Variants in PASD1 observed in about 807,000 individuals in gnomAD.
PASD1 encodes the protein circadian clock protein PASD1.
A neutral mutation model predicts 58.8 loss-of-function variants in PASD1; 13 were observed. The observed-to-expected ratio is 0.22, with a 90% CI of 0.14 to 0.35. PASD1 has a LOEUF of 0.35. Ranked by LOEUF, PASD1 falls within the 10% of genes least tolerant of loss-of-function variation. The probability of loss-of-function intolerance (pLI) is 1.00; values close to 1 mark genes in which losing one functional copy is unlikely to be tolerated. For missense variants in PASD1, 734 were observed against 568.3 expected, an observed-to-expected ratio of 1.29 and a Z score of -2.96; for synonymous variants, 236 against 216.7, an observed-to-expected ratio of 1.09 and a Z score of -0.78.
chrX:151,623,148 A>G (rs1050123426), intron 7 of PASD1, 84 bp downstream of exon 7: 3 of 1,060,249 alleles, frequency 2.8e-6, no homozygotes, highest in Non-Finnish European at 3.8e-6. Context: ...TCTGTCAGCC[A>G]CTGGACAACA....
At chrX:151,575,465 T>C (rs544026497) in intron 1 of PASD1, among the ~76,000 whole-genome samples, 1 of 111,724 alleles carries the variant, frequency 9.0e-6, no homozygotes, top group African/African-American at 3.3e-5. Context: ...TGCCCATACA[T>C]AACACTCATC....
chrX:151,651,735 A>G (rs957662917), intron 9 of PASD1, among the ~76,000 whole-genome samples: 1 of 112,287 alleles, frequency 8.9e-6, no homozygotes, highest in African/African-American at 3.2e-5. Context: ...AGAGCTTCCT[A>G]TTTGTGCATT....
chrX:151,576,954 G>A (rs1264662772), intron 1 of PASD1, among the ~76,000 whole-genome samples: 1 of 111,786 alleles, frequency 8.9e-6, no homozygotes, highest in Non-Finnish European at 1.9e-5. Flanking sequence ...AACAATTAGA[G>A]CTCATTCTCA....
chrX:151,665,888 ATG>A (rs1335879199), intron 11 of PASD1, among the ~76,000 whole-genome samples: 31 of 99,114 alleles, frequency 3.1e-4, no homozygotes, highest in African/African-American at 6.8e-4. Context: ...ACGCGCGTGC[ATG>A]TGTGTGTGTG....
chrX:151,625,388 C>G, intron 7 of PASD1, 60 bp from the exon 8 acceptor site: 1 of 859,637 alleles, frequency 1.2e-6, no homozygotes, highest in Non-Finnish European at 1.7e-6. Flanking sequence ...TTAATATATG[C>G]TGTGCATTTT....
chrX:151,668,828 A>G (rs1192760825), intron 11 of PASD1, among the ~76,000 whole-genome samples: 1 of 109,271 alleles, frequency 9.2e-6, no homozygotes. Flanking sequence ...AATCAATAGA[A>G]AAAGAGGGAA....
At chrX:151,644,753 G>A (rs1602951694) in intron 8 of PASD1, among the ~76,000 whole-genome samples, 1 of 107,829 alleles carries the variant, frequency 9.3e-6, no homozygotes, top group South Asian at 4.1e-4. Context: ...TCAGAATTTT[G>A]TTTTCACTTT....
At chrX:151,572,559 A>T in intron 1 of PASD1, among the ~76,000 whole-genome samples, 1 of 111,669 alleles carries the variant, frequency 9.0e-6, no homozygotes, top group Non-Finnish European at 1.9e-5. Context: ...TTACGGTTTA[A>T]ATTTTTCTGT....
chrX:151,573,395 G>A (rs2012955563), intron 1 of PASD1, among the ~76,000 whole-genome samples: 1 of 112,501 alleles, frequency 8.9e-6, no homozygotes, highest in Non-Finnish European at 1.9e-5. Context: ...GAAGTAACAA[G>A]TTCTTGATTT....
intron 5 of PASD1, among the ~76,000 whole-genome samples, 199 bp from the exon 6 acceptor site, chrX:151,621,283 C>T (rs1018650350): frequency 1.8e-5 from 2 of 111,226 alleles, no homozygotes; most frequent in Admixed American, 1.9e-4. Flanking sequence ...AATGATGGAC[C>T]ATTGTATATA....
intron 8 of PASD1, among the ~76,000 whole-genome samples, chrX:151,639,404 C>T (rs1412615889): frequency 8.9e-6 from 1 of 112,324 alleles, no homozygotes; most frequent in Non-Finnish European, 1.9e-5. Context: ...CTGTGCCTAT[C>T]CTCATAAAAC....
At chrX:151,644,672 C>T (rs1261493855) in intron 8 of PASD1, among the ~76,000 whole-genome samples, 1 of 110,424 alleles carries the variant, frequency 9.1e-6, no homozygotes, top group South Asian at 3.9e-4. Flanking sequence ...CTAATGAGGG[C>T]ATTTGAACTG....
intron 11 of PASD1, among the ~76,000 whole-genome samples, chrX:151,669,543 C>T (rs760602275): frequency 3.9e-4 from 43 of 109,543 alleles, no homozygotes; most frequent in Non-Finnish European, 9.4e-5. Context: ...CTTCATCCCC[C>T]TCTTCCCCAT....
At chrX:151,675,954 G>A (rs1569418413) in intron 15 of PASD1, 43 bp from the exon 16 acceptor site, 1 of 1,198,097 alleles carries the variant, frequency 8.3e-7, no homozygotes. Flanking sequence ...TGGGCCCACA[G>A]ACTCTAGCAA....
chrX:151,614,652 T>C (rs1255556463), intron 4 of PASD1, among the ~76,000 whole-genome samples: 1 of 112,269 alleles, frequency 8.9e-6, no homozygotes, highest in Non-Finnish European at 1.9e-5. Flanking sequence ...CAGAGTTGTC[T>C]CAAGAACTTG....
At chrX:151,629,996 T>C (rs775629578) in intron 8 of PASD1, among the ~76,000 whole-genome samples, 3 of 111,660 alleles carry the variant, frequency 2.7e-5, no homozygotes, top group African/African-American at 9.8e-5. Context: ...AATAAAAGTG[T>C]TTTCTGAAGG....
At chrX:151,667,996 A>G (rs992660607) in intron 11 of PASD1, among the ~76,000 whole-genome samples, 8 of 111,230 alleles carry the variant, frequency 7.2e-5, no homozygotes, top group Non-Finnish European at 1.5e-4. Context: ...CACGATATTG[A>G]TTCTTTCTCA....
intron 1 of PASD1, among the ~76,000 whole-genome samples, chrX:151,580,622 T>A (rs754799028): frequency 9.2e-6 from 1 of 108,927 alleles, no homozygotes; most frequent in African/African-American, 3.3e-5. Context: ...TATATCTCAA[T>A]TAAAATATTT....
chrX:151,607,611 T>C (rs763641886), intron 3 of PASD1, among the ~76,000 whole-genome samples: 21 of 111,906 alleles, frequency 1.9e-4, no homozygotes, highest in African/African-American at 6.8e-4. Flanking sequence ...GCACCACACC[T>C]TGAAATAGTC....
Sources: gnomAD v4.1 joint callset for allele counts (sites outside exome capture counted in the v4.1 genomes callset) on GRCh38, gnomAD v4.1.1 for gene constraint, MANE v1.5 for transcripts, NCBI Gene and HGNC (gene_info 2026-07-23, HGNC 2026-07-21) for gene names.